The following TFG variants were observed in gnomAD, a reference collection of about 807,000 sequenced individuals.
TFG encodes the protein protein TFG.
In TFG, 22 loss-of-function variants were observed where a neutral mutation model predicts 51.4. That is an observed-to-expected ratio of 0.43 (90% confidence interval 0.31 to 0.61). The LOEUF (loss-of-function observed/expected upper bound fraction) is 0.61, where lower values mean the gene tolerates loss of function less well. TFG is among the 20% of genes least tolerant of loss of function. TFG has a pLI of 0.12. For synonymous variants in TFG, 187 were observed against 165.6 expected, an observed-to-expected ratio of 1.13 and a Z score of -0.99; for missense variants, 419 against 487.7, an observed-to-expected ratio of 0.86 and a Z score of 1.33.
chr3:100,718,977 GAAAA>G, intron 2 of TFG, among the ~76,000 whole-genome samples: 1 of 151,924 alleles, frequency 6.6e-6, no homozygotes. Flanking sequence ...ATTCAGAAAA[GAAAA>G]AAAGAACAGG....
At chr3:100,722,906 G>T (rs916621700) in intron 3 of TFG, among the ~76,000 whole-genome samples, 1 of 152,186 alleles carries the variant, frequency 6.6e-6, no homozygotes. Context: ...GGTGGTGAAA[G>T]ATGCAAGAAG....
intron 3 of TFG, among the ~76,000 whole-genome samples, chr3:100,728,116 G>C (rs1436782640): frequency 6.6e-6 from 1 of 152,068 alleles, no homozygotes; most frequent in Non-Finnish European, 1.5e-5. Context: ...TTACAGGTGT[G>C]AGCCACCATG....
chr3:100,741,535 T>C (rs1170644797), intron 6 of TFG, among the ~76,000 whole-genome samples: 1 of 152,180 alleles, frequency 6.6e-6, no homozygotes. Flanking sequence ...GTTTATAAAG[T>C]AAAAACATTA....
At position 100,748,549 on chromosome 3, in the gene TFG, A is replaced by C. The variant is rs780169436; in HGVS notation, c.*18A>C. The stretch of plus-strand genomic sequence containing the variant: ...ATCGATAAGGAGGCTCCTCTACACC[A>C]ATTAATGTAGCTGCTAGCTATTGGC... On this transcript the variant is annotated 3_prime_UTR_variant, in exon 8 of 8. Coordinates refer to ENST00000240851, the MANE Select transcript of TFG (RefSeq NM_006070.6). 23 of 1,583,296 alleles carry C rather than the reference A, an allele frequency of 1.5e-5. No individual in the cohort carries two copies. Among genetic ancestry groups the C allele is most frequent in the Non-Finnish European group, 1.7e-5 (20 of 1,161,230 alleles).
chr3:100,713,504 A>G (rs2095036677), intron 1 of TFG, 139 bp from the exon 2 acceptor site: 2 of 396,272 alleles, frequency 5.0e-6, no homozygotes, highest in African/African-American at 4.1e-5. Flanking sequence ...TGTTGCCTCC[A>G]GACCATTTTA....
chr3:100,709,478 T>TC (rs2095022729), upstream of TFG: 1 of 152,196 alleles, frequency 6.6e-6, no homozygotes. Flanking sequence ...TTTTTTTTTT[T>TC]CTTGCTCCCG....
intron 1 of TFG, among the ~76,000 whole-genome samples, chr3:100,711,248 G>A (rs2095030558): frequency 6.6e-6 from 1 of 152,096 alleles, no homozygotes. Flanking sequence ...GATTACAGGC[G>A]TGCGCCACGA....
Position 100,748,444 on chromosome 3 carries a change from C to T in TFG, c.1116C>T (p.Thr372=), listed in dbSNP as rs1576389880. Residue 372 remains threonine (T), a synonymous_variant, in exon 8 of 8, where the codon ACC becomes ACT. Transcript: ENST00000240851. ...GFTSLPGSTM[T]PPPSGPNPYA... is the part of the protein sequence containing the mutation. Reference sequence around the variant, plus strand: ...CTTCACTTCCTGGAAGTACCATGACCCCTCCTCCAAGTGGGCCTAATCCTT... The same window carrying T: ...CTTCACTTCCTGGAAGTACCATGACTCCTCCTCCAAGTGGGCCTAATCCTT... The T allele has an allele frequency of 4.3e-6, 7 of 1,613,970 alleles. No individual in the cohort carries two copies. The highest frequency in any genetic ancestry group is 1.3e-5 in the African/African-American group (1 of 74,884).
chr3:100,715,584 A>C (rs979232997), intron 2 of TFG, among the ~76,000 whole-genome samples: 1 of 152,254 alleles, frequency 6.6e-6, no homozygotes. Context: ...GTGTAGTCTA[A>C]GAATACCCAA....
chr3:100,746,811 C>T (rs1018844086), intron 7 of TFG, among the ~76,000 whole-genome samples: 24 of 151,868 alleles, frequency 1.6e-4, no homozygotes, highest in African/African-American at 5.3e-4. Context: ...TCTTTTTTCT[C>T]GCAGTGTTAA....
At chr3:100,743,935 T>C (rs1426565100) in intron 6 of TFG, 1 of 152,006 alleles carries the variant, frequency 6.6e-6, no homozygotes, top group Non-Finnish European at 1.5e-5. Context: ...CAGATAGATA[T>C]TAAAATGCAA....
At chr3:100,726,763 T>G (rs2095077123) in intron 3 of TFG, among the ~76,000 whole-genome samples, 1 of 151,898 alleles carries the variant, frequency 6.6e-6, no homozygotes, top group Non-Finnish European at 1.5e-5. Context: ...TACAAGTATG[T>G]TAGAAAAGTA....
At chr3:100,743,222 G>A (rs1020271655) in intron 6 of TFG, 4 of 152,038 alleles carry the variant, frequency 2.6e-5, no homozygotes, top group African/African-American at 4.8e-5. Context: ...TACTAATATG[G>A]TTGAATTTTT....
At position 100,748,186 on chromosome 3, in the gene TFG, G is replaced by A; in HGVS notation, c.858G>A (p.Gln286=). The A allele has an allele frequency of 6.2e-7, 1 of 1,614,036 alleles. No individual in the cohort carries two copies. The highest frequency in any genetic ancestry group is 8.5e-7 in the Non-Finnish European group (1 of 1,179,970). ...YSQQTGPQQP[Q]QFQGYGQQPT... is the part of the protein sequence containing the mutation. The stretch of plus-strand genomic sequence containing the variant: ...AGCAGACTGGACCTCAACAACCTCA[G>A]CAGTTCCAGGGATATGGCCAGCAAC... The change falls in exon 8 of 8, where the codon CAG becomes CAA. Residue 286 remains glutamine, a synonymous_variant. Transcript: ENST00000240851.
At chr3:100,742,574 G>T (rs960901373) in intron 6 of TFG, 3 of 152,040 alleles carry the variant, frequency 2.0e-5, no homozygotes, top group Admixed American at 1.3e-4. Flanking sequence ...ACCCATAGTC[G>T]TTCAGACTGA....
Position 100,728,833 on chromosome 3 carries a change from A to G in TFG, c.390A>G (p.Gly130=). The G allele has an allele frequency of 1.2e-6, 2 of 1,606,514 alleles. No individual in the cohort carries two copies. The highest frequency in any genetic ancestry group is 1.1e-5 in the South Asian group (1 of 89,878). ...GCTTGGAACCACCTGGAGAACCAGG[A>G]CCTTCCACCAATATTCCTGAAAATG... ...LDSLEPPGEP[G]PSTNIPENDT... Residue 130 remains glycine (G), a synonymous_variant, in exon 4 of 8, where the codon GGA becomes GGG. Coordinates refer to ENST00000240851, the MANE Select transcript of TFG (RefSeq NM_006070.6).
intron 2 of TFG, among the ~76,000 whole-genome samples, chr3:100,717,001 CTTGA>C (rs769228702): frequency 3.3e-5 from 5 of 152,220 alleles, no homozygotes; most frequent in African/African-American, 4.8e-5. Flanking sequence ...TCTTTTCACT[CTTGA>C]TTGTTTCCTT....
intron 2 of TFG, among the ~76,000 whole-genome samples, chr3:100,716,608 A>G (rs995815559): frequency 6.6e-6 from 1 of 152,134 alleles, no homozygotes; most frequent in Non-Finnish European, 1.5e-5. Flanking sequence ...TTTTTGAGGA[A>G]CCTTCATACT....
At position 100,732,494 on chromosome 3, in the gene TFG, C is replaced by T. The variant is rs778916909; in HGVS notation, c.416-14C>T. 2 of 1,584,514 alleles carry T rather than the reference C, an allele frequency of 1.3e-6. No individual in the cohort carries two copies. Among genetic ancestry groups the T allele is most frequent in the Non-Finnish European group, 8.5e-7 (1 of 1,169,690 alleles). On this transcript the variant is annotated splice_polypyrimidine_tract_variant and intron_variant, in intron 4 of 7. Coordinates refer to ENST00000240851, the MANE Select transcript of TFG (RefSeq NM_006070.6). The stretch of plus-strand genomic sequence containing the variant: ...AAAGGAAACAAGTTTTTGTTTATTC[C>T]TCTATTTTTACAGATACTGTGGATG...
Sources: gnomAD v4.1 joint callset for allele counts (sites outside exome capture counted in the v4.1 genomes callset) on GRCh38, gnomAD v4.1.1 for gene constraint, MANE v1.5 for transcripts, NCBI Gene and HGNC (gene_info 2026-07-23, HGNC 2026-07-21) for gene names.